ZC3H12B: variants seen among roughly 807,000 people sequenced by gnomAD.
ZC3H12B encodes the protein zinc finger CCCH-type containing 12B, also known as probable ribonuclease ZC3H12B.
In ZC3H12B, 7 loss-of-function variants were observed where a neutral mutation model predicts 43.9. The ratio of observed to expected loss-of-function variants is 0.16; its 90% CI spans 0.09 to 0.30. The LOEUF (loss-of-function observed/expected upper bound fraction) is 0.30. ZC3H12B is among the 10% of genes least tolerant of loss of function. The probability of loss-of-function intolerance (pLI) is 1.00; values close to 1 mark genes in which losing one functional copy is unlikely to be tolerated. For missense variants in ZC3H12B, 475 were observed against 670.2 expected, an observed-to-expected ratio of 0.71 and a Z score of 3.22; for synonymous variants, 222 against 241.7, an observed-to-expected ratio of 0.92 and a Z score of 0.76.
the ZC3H12B span, among the ~76,000 whole-genome samples, chrX:65,171,052 C>G: frequency 8.9e-6 from 1 of 112,033 alleles, no homozygotes; most frequent in Admixed American, 9.5e-5. Flanking sequence ...TTGTCAGAGT[C>G]ATTCTCCATC....
intron 2 of ZC3H12B, among the ~76,000 whole-genome samples, chrX:65,498,731 C>G (rs1181244608): frequency 1.8e-5 from 2 of 112,221 alleles, no homozygotes; most frequent in Non-Finnish European, 3.8e-5. Flanking sequence ...GTGTCACTCT[C>G]ACTCTTCATG....
chrX:65,418,243 A>G (rs2066982410), intron 3 of ZC3H12B, among the ~76,000 whole-genome samples: 1 of 111,860 alleles, frequency 8.9e-6, no homozygotes, highest in Non-Finnish European at 1.9e-5. Flanking sequence ...TTACTATTTT[A>G]TTTAAATAAT....
At chrX:65,242,185 T>G in the ZC3H12B span, among the ~76,000 whole-genome samples, 1 of 110,895 alleles carries the variant, frequency 9.0e-6, no homozygotes, top group Non-Finnish European at 1.9e-5. Context: ...GTTTAGCCAT[T>G]CACCTAGTCA....
the ZC3H12B span, among the ~76,000 whole-genome samples, chrX:65,305,283 A>G: frequency 9.0e-6 from 1 of 111,252 alleles, no homozygotes; most frequent in African/African-American, 3.3e-5. Flanking sequence ...CAGGGCTTGA[A>G]CTCCAGGTCT....
the ZC3H12B span, among the ~76,000 whole-genome samples, chrX:65,101,978 A>G: frequency 1.8e-5 from 2 of 112,252 alleles, no homozygotes; most frequent in Non-Finnish European, 3.8e-5. Flanking sequence ...CGAGGCAAAT[A>G]TCTTCAATAA....
intron 3 of ZC3H12B, among the ~76,000 whole-genome samples, chrX:65,447,838 G>C (rs548445355): frequency 9.0e-6 from 1 of 111,637 alleles, no homozygotes; most frequent in African/African-American, 3.3e-5. Context: ...CATATGAAAA[G>C]TGCTCAACAT....
At chrX:65,400,683 G>A (rs1433729590) in intron 3 of ZC3H12B, among the ~76,000 whole-genome samples, 1 of 111,787 alleles carries the variant, frequency 8.9e-6, no homozygotes, top group Non-Finnish European at 1.9e-5. Context: ...ACTCCTAAAA[G>A]TGAAGTCCAC....
At chrX:65,074,826 T>C in the ZC3H12B span, among the ~76,000 whole-genome samples, 1 of 112,297 alleles carries the variant, frequency 8.9e-6, no homozygotes, top group Non-Finnish European at 1.9e-5. Context: ...TTTTTATGTT[T>C]TCAGTTGATT....
the ZC3H12B span, among the ~76,000 whole-genome samples, chrX:65,276,580 G>A: frequency 9.0e-6 from 1 of 111,063 alleles, no homozygotes; most frequent in Non-Finnish European, 1.9e-5. Context: ...TATAAGCCAA[G>A]GATTTTATTT....
At chrX:65,200,799 T>C in the ZC3H12B span, among the ~76,000 whole-genome samples, 1 of 110,938 alleles carries the variant, frequency 9.0e-6, no homozygotes, top group South Asian at 3.9e-4. Context: ...ATTTTTCAAT[T>C]TTTGTTTTTG....
intron 2 of ZC3H12B, among the ~76,000 whole-genome samples, chrX:65,396,655 G>T (rs758468589): frequency 9.0e-6 from 1 of 110,524 alleles, no homozygotes; most frequent in Non-Finnish European, 1.9e-5. Flanking sequence ...GTGCTATGTG[G>T]TGCTGAGAAG....
At chrX:65,136,488 C>G in the ZC3H12B span, among the ~76,000 whole-genome samples, 1 of 111,011 alleles carries the variant, frequency 9.0e-6, no homozygotes, top group Non-Finnish European at 1.9e-5. Flanking sequence ...CTATCTAGGC[C>G]CCCCTTTCAA....
chrX:65,156,628 G>C, the ZC3H12B span, among the ~76,000 whole-genome samples: 2 of 111,017 alleles, frequency 1.8e-5, no homozygotes, highest in African/African-American at 3.3e-5. Flanking sequence ...TAATCCACCT[G>C]CCTCGGCCTC....
the ZC3H12B span, among the ~76,000 whole-genome samples, chrX:65,070,575 T>C: frequency 1.8e-5 from 2 of 111,120 alleles, no homozygotes; most frequent in Non-Finnish European, 3.8e-5. Flanking sequence ...TGTTTAGTGC[T>C]ATAAATTTCC....
the ZC3H12B span, among the ~76,000 whole-genome samples, chrX:65,354,330 G>C: frequency 8.9e-6 from 1 of 111,940 alleles, no homozygotes; most frequent in Non-Finnish European, 1.9e-5. Flanking sequence ...GTCTGGAGTG[G>C]ACCTCCAGCA....
At chrX:65,111,097 TG>T in the ZC3H12B span, among the ~76,000 whole-genome samples, 1 of 111,718 alleles carries the variant, frequency 9.0e-6, no homozygotes, top group Admixed American at 9.5e-5. Flanking sequence ...GAGACCTTGC[TG>T]AATTCACTTA....
At chrX:65,176,572 CATA>C in the ZC3H12B span, among the ~76,000 whole-genome samples, 1 of 111,346 alleles carries the variant, frequency 9.0e-6, no homozygotes, top group East Asian at 2.8e-4. Context: ...GGGTCCCTGA[CATA>C]ATAAAAACTG....
chrX:65,450,699 GTGTATATATGTATATGTATACATA>G (rs2067478228), intron 3 of ZC3H12B, among the ~76,000 whole-genome samples: 1 of 17,511 alleles, frequency 5.7e-5, no homozygotes, highest in Non-Finnish European at 7.3e-5. Context: ...GTATACATAT[GTGTATATATGTATATGTATACATA>G]TGTGTATATA....
chrX:65,368,226 C>T (rs904368150), intron 1 of ZC3H12B, among the ~76,000 whole-genome samples: 16 of 111,457 alleles, frequency 1.4e-4, no homozygotes, highest in African/African-American at 5.2e-4. Flanking sequence ...TTGTAAACTG[C>T]AAATGTCTTT....
Sources: allele counts gnomAD v4.1 joint callset (sites outside exome capture counted in the v4.1 genomes callset), GRCh38; gene constraint gnomAD v4.1.1; transcripts MANE v1.5; gene names NCBI Gene and HGNC (gene_info 2026-07-23, HGNC 2026-07-21).